Variants in EYS observed in about 807,000 individuals in gnomAD.
The protein encoded by EYS is protein eyes shut homolog.
A neutral mutation model predicts 282.1 loss-of-function variants in EYS; 250 were observed. The ratio of observed to expected loss-of-function variants is 0.89; its 90% confidence interval spans 0.80 to 0.98. EYS has a LOEUF of 0.98. Ranked by LOEUF, EYS falls within the 50% of genes least tolerant of loss-of-function variation. EYS has a pLI of 0.00. For missense variants in EYS, 4,016 were observed against 3,709.0 expected (o/e 1.08, Z -2.15); for synonymous variants, 1,355 against 1,282.9 (o/e 1.06, Z -1.20).
intron 19 of EYS, among the ~76,000 whole-genome samples, chr6:64,868,255 T>C (rs890057841): frequency 8.6e-5 from 13 of 151,658 alleles, no homozygotes; most frequent in Admixed American, 7.9e-4. Context: ...GGAAATTCAC[T>C]TGTGAATAAA....
chr6:65,408,257 G>A (rs1048610013), intron 5 of EYS, among the ~76,000 whole-genome samples: 3 of 151,964 alleles, frequency 2.0e-5, no homozygotes, highest in Admixed American at 6.6e-5. Context: ...GTTTTCTTGT[G>A]GCAGCTTTGT....
chr6:65,343,361 T>G (rs1354709614), intron 10 of EYS, among the ~76,000 whole-genome samples: 1 of 151,382 alleles, frequency 6.6e-6, no homozygotes, highest in Admixed American at 6.6e-5. Flanking sequence ...CAAGATAGGT[T>G]ACAAATACTT....
intron 22 of EYS, among the ~76,000 whole-genome samples, chr6:64,770,551 T>C (rs1697159798): frequency 6.6e-6 from 1 of 151,970 alleles, no homozygotes; most frequent in East Asian, 1.9e-4. Context: ...TGACCCATAA[T>C]GGTTGCCAGT....
chr6:65,052,793 CT>C lies in EYS; in HGVS notation c.2137+4820del, dbSNP rs2150155303. ...GAAATACGTATTTGAAATTTATTTGCTAAGTTCAGTTTCTAAGACTAGAATT... is the reference window on the plus strand; with the variant it reads ...GAAATACGTATTTGAAATTTATTTGCAAGTTCAGTTTCTAAGACTAGAATT... On this transcript the variant is annotated intron_variant, in intron 13 of 42. Coordinates refer to ENST00000503581, the MANE Select transcript of EYS (RefSeq NM_001142800.2). 2.0e-5 allele frequency among the ~76,000 whole-genome samples: 3 copies of C among 151,762 alleles called. No individual in the cohort carries two copies. In the South Asian group the frequency reaches 6.2e-4, roughly 31 times the overall value.
At chr6:65,330,146 T>A in intron 11 of EYS, 1 of 973,032 alleles carries the variant, frequency 1.0e-6, no homozygotes, top group Non-Finnish European at 1.2e-6. Flanking sequence ...AGAAGAACCA[T>A]GAGATGTGTT....
chr6:65,594,663 T>G (rs574755320), intron 2 of EYS, among the ~76,000 whole-genome samples: 1 of 152,164 alleles, frequency 6.6e-6, no homozygotes, highest in Admixed American at 6.6e-5. Context: ...AGCTCTTTGG[T>G]TTAATTAGAT....
intron 41 of EYS, among the ~76,000 whole-genome samples, chr6:63,738,009 G>A: frequency 6.6e-6 from 1 of 152,192 alleles, no homozygotes; most frequent in East Asian, 1.9e-4. Context: ...CTGGCCATCA[G>A]AGAAATGCAA....
At chr6:64,796,833 G>A (rs1774369339) in intron 22 of EYS, among the ~76,000 whole-genome samples, 1 of 152,142 alleles carries the variant, frequency 6.6e-6, no homozygotes, top group Non-Finnish European at 1.5e-5. Context: ...ACACAAAGAT[G>A]TGTGAGAGAT....
chr6:63,757,672 C>T (rs1769524755), intron 41 of EYS, among the ~76,000 whole-genome samples: 2 of 152,078 alleles, frequency 1.3e-5, no homozygotes, highest in Admixed American at 6.6e-5. Context: ...TGTAAAATTC[C>T]TCTCTTTGTA....
intron 26 of EYS, among the ~76,000 whole-genome samples, chr6:64,539,106 A>G (rs1582869785): frequency 6.6e-6 from 1 of 152,186 alleles, no homozygotes; most frequent in East Asian, 1.9e-4. Flanking sequence ...AGTTCTGTGC[A>G]TGTTGCAGTT....
intron 22 of EYS, among the ~76,000 whole-genome samples, chr6:64,777,734 T>G (rs1773722427): frequency 6.6e-6 from 1 of 152,086 alleles, no homozygotes; most frequent in South Asian, 2.1e-4. Flanking sequence ...AAATAAAAAC[T>G]TCCATGAATT....
At chr6:65,549,124 G>A (rs140109105) in intron 2 of EYS, among the ~76,000 whole-genome samples, 57 of 152,232 alleles carry the variant, frequency 3.7e-4, no homozygotes, top group South Asian at 1.0e-3. Context: ...ACCTCCTGCC[G>A]TGAGGCCTGG....
chr6:65,535,206 T>C (rs1767919078), intron 2 of EYS, among the ~76,000 whole-genome samples: 1 of 152,128 alleles, frequency 6.6e-6, no homozygotes. Context: ...GCCCATGTAG[T>C]TCCAGTCTAA....
intron 34 of EYS, among the ~76,000 whole-genome samples, chr6:63,986,031 C>A (rs1014049668): frequency 8.6e-5 from 13 of 151,662 alleles, no homozygotes; most frequent in Non-Finnish European, 1.3e-4. Context: ...ATGCATCTTA[C>A]AAAGGTCTAA....
In EYS at chr6:65,208,859, T is replaced by C. The variant is rs1582019332; in HGVS notation, c.2023+87004A>G. Among the ~76,000 whole-genome samples the C allele has an allele frequency of 2.6e-5, 4 of 151,968 alleles. No individual in the cohort carries two copies. In the South Asian group the frequency reaches 8.3e-4, roughly 31 times the overall value. On this transcript the variant is annotated intron_variant, in intron 12 of 42. Coordinates refer to ENST00000503581, the MANE Select transcript of EYS (RefSeq NM_001142800.2). ...CTGGGTAATGTCCAATATTGGATGA[T>C]GAATATACTAAAAGCCCAAACCTCA...
At chr6:64,350,043 A>C (rs1041029277) in intron 29 of EYS, among the ~76,000 whole-genome samples, 4 of 151,522 alleles carry the variant, frequency 2.6e-5, no homozygotes, top group African/African-American at 9.7e-5. Context: ...ACTAGTAACC[A>C]ACTTGTCTTC....
At chr6:64,851,631 G>C (rs1441604619) in intron 19 of EYS, among the ~76,000 whole-genome samples, 2 of 152,108 alleles carry the variant, frequency 1.3e-5, no homozygotes, top group Non-Finnish European at 2.9e-5. Context: ...AAAAGAATGA[G>C]ATCGTGTCCT....
rs559565788 is a variant in EYS at position 64,589,140 on chromosome 6, A to G, written c.5644+1083T>C. Among the ~76,000 whole-genome samples the G allele has an allele frequency of 1.4e-4, 21 of 152,206 alleles. 2 individuals are homozygous for G. The South Asian group carries it at 3.9e-3, about 29-fold the overall frequency. On this transcript the variant is annotated intron_variant, in intron 26 of 42. Transcript: ENST00000503581. Reference sequence around the variant, plus strand: ...AGTTATAACAGATAAACCACAAGCTATCAGCCTGTAAAAGTACAAGGACAA... The same window carrying G: ...AGTTATAACAGATAAACCACAAGCTGTCAGCCTGTAAAAGTACAAGGACAA...
intron 12 of EYS, among the ~76,000 whole-genome samples, chr6:65,173,945 C>T (rs1321933): frequency 0.19 from 28,524 of 150,968 alleles, 2,976 homozygotes; most frequent in Middle Eastern, 0.23. Flanking sequence ...TAAGTGTATG[C>T]TTGAGTAATC....
Sources: allele counts gnomAD v4.1 joint callset (sites outside exome capture counted in the v4.1 genomes callset), GRCh38; gene constraint gnomAD v4.1.1; transcripts MANE v1.5; gene names NCBI Gene and HGNC (gene_info 2026-07-23, HGNC 2026-07-21).